GRM8: variants seen among roughly 807,000 people sequenced by gnomAD.
The protein encoded by GRM8 is glutamate metabotropic receptor 8.
In GRM8, 47 loss-of-function variants were observed where a neutral mutation model predicts 87.2. The observed-to-expected ratio is 0.54, with a 90% CI of 0.43 to 0.69. The LOEUF (loss-of-function observed/expected upper bound fraction) is 0.69, where lower values mean the gene tolerates loss of function less well. Ranked by LOEUF, GRM8 falls within the 30% of genes least tolerant of loss-of-function variation. The probability of loss-of-function intolerance (pLI) is 0.00; values close to 1 mark genes in which losing one functional copy is unlikely to be tolerated. For synonymous variants in GRM8, 396 were observed against 404.5 expected, an observed-to-expected ratio of 0.98 and a Z score of 0.25; for missense variants, 1,019 against 1,139.2, an observed-to-expected ratio of 0.89 and a Z score of 1.52.
At chr7:127,227,248 T>G (rs1321671474) in intron 2 of GRM8, among the ~76,000 whole-genome samples, 1 of 152,132 alleles carries the variant, frequency 6.6e-6, no homozygotes, top group African/African-American at 2.4e-5. Context: ...CCCAAAAAAG[T>G]GGCTGAAAGA....
rs903585714 is a variant in GRM8, at chr7:126,667,778, G to A, written c.1358-58280C>T. ...ATGCAAGGCACTGTGGGGAGACTTC[G>A]TGGCACAACAGCTGAGCATGTTTGT... On this transcript the variant is annotated intron_variant, in intron 7 of 10. Coordinates refer to ENST00000339582, the MANE Select transcript of GRM8 (RefSeq NM_000845.3). Among the ~76,000 whole-genome samples the A allele has an allele frequency of 7.2e-5, 11 of 152,188 alleles. No individual in the cohort carries two copies. The East Asian group carries it at 2.1e-3, about 29-fold the overall frequency.
intron 6 of GRM8, among the ~76,000 whole-genome samples, chr7:126,815,594 A>G (rs1037659978): frequency 6.6e-6 from 1 of 152,152 alleles, no homozygotes; most frequent in Non-Finnish European, 1.5e-5. Context: ...ACATGAATTA[A>G]TAAAACAGGC....
At chr7:126,490,914 G>A (rs1562876436) in intron 9 of GRM8, among the ~76,000 whole-genome samples, 1 of 151,996 alleles carries the variant, frequency 6.6e-6, no homozygotes, top group Non-Finnish European at 1.5e-5. Context: ...ATATGTCCAA[G>A]GCATAGTAAA....
rs1798920966 is a variant in GRM8, at chr7:127,252,347, G to A, written c.-312+450C>T. On this transcript the variant is annotated intron_variant, in intron 1 of 10. Transcript: ENST00000339582. This position sits in a 1 kb window ranked among gnomAD's most constrained non-coding sequence, Gnocchi z 4.9. ...CCAAGCCTTGGGAGTTCCGGGTAAA[G>A]TCTCCCTCTTTTCTGAACCTCTTTA... The A allele has an allele frequency of 6.6e-6, 1 of 152,144 alleles. No individual in the cohort carries two copies. Among genetic ancestry groups the A allele is most frequent in the South Asian group, 2.1e-4 (1 of 4,830 alleles). The allele number at this position is 152,144 out of a possible 1,614,324, so 9.4% of individuals were successfully genotyped here.
chr7:126,717,085 T>G (rs747633423), intron 7 of GRM8, among the ~76,000 whole-genome samples: 1 of 152,214 alleles, frequency 6.6e-6, no homozygotes, highest in Non-Finnish European at 1.5e-5. Context: ...TGAAAATGAC[T>G]TGGGACCATC....
chr7:127,025,293 C>A (rs1178459045), intron 3 of GRM8, among the ~76,000 whole-genome samples: 1 of 152,032 alleles, frequency 6.6e-6, no homozygotes, highest in South Asian at 2.1e-4. Flanking sequence ...TTCATAATCT[C>A]CTTAAACTTC....
intron 7 of GRM8, among the ~76,000 whole-genome samples, chr7:126,750,013 A>G (rs1337928245): frequency 1.3e-5 from 2 of 152,182 alleles, no homozygotes; most frequent in African/African-American, 4.8e-5. Context: ...AAACAAAAGC[A>G]TATATCCTCA....
At chr7:126,608,697 A>C (rs1798606588) in intron 8 of GRM8, among the ~76,000 whole-genome samples, 1 of 151,912 alleles carries the variant, frequency 6.6e-6, no homozygotes, top group Admixed American at 6.5e-5. Flanking sequence ...AGTATGATTC[A>C]CTTCTATCAA....
chr7:127,050,572 C>T (rs923161878), intron 3 of GRM8, among the ~76,000 whole-genome samples: 7 of 151,936 alleles, frequency 4.6e-5, no homozygotes, highest in African/African-American at 1.2e-4. Context: ...GAAGGGGAGA[C>T]GGAAGGGGAA....
intron 6 of GRM8, among the ~76,000 whole-genome samples, chr7:126,871,636 T>C (rs1475209616): frequency 6.6e-6 from 1 of 152,232 alleles, no homozygotes; most frequent in Non-Finnish European, 1.5e-5. Context: ...TATTTTACTT[T>C]GTTCTCTATG....
At chr7:127,184,177 C>G (rs1475503888) in intron 2 of GRM8, among the ~76,000 whole-genome samples, 4 of 151,682 alleles carry the variant, frequency 2.6e-5, no homozygotes. Context: ...ACCCTAACAC[C>G]AGGAGCAAAT....
At chr7:126,528,777 A>C (rs1814334219) in intron 9 of GRM8, among the ~76,000 whole-genome samples, 1 of 152,024 alleles carries the variant, frequency 6.6e-6, no homozygotes, top group African/African-American at 2.4e-5. Flanking sequence ...TTGTATTGGA[A>C]TTTGTATTGT....
chr7:126,546,436 G>C (rs1015415777), intron 8 of GRM8, among the ~76,000 whole-genome samples: 1 of 152,112 alleles, frequency 6.6e-6, no homozygotes, highest in Admixed American at 6.6e-5. Context: ...ATCCCATCCA[G>C]AAAAGGGAGC....
chr7:127,174,561 T>C (rs534314972), intron 2 of GRM8, among the ~76,000 whole-genome samples: 1 of 152,312 alleles, frequency 6.6e-6, no homozygotes, highest in East Asian at 1.9e-4. Context: ...ATAAATTGTA[T>C]TAATATTTCT....
intron 7 of GRM8, among the ~76,000 whole-genome samples, chr7:126,615,165 T>C (rs1799330417): frequency 1.3e-5 from 2 of 152,114 alleles, no homozygotes; most frequent in South Asian, 2.1e-4. Context: ...ATTAGACTAA[T>C]AGCAGATCTC....
intron 6 of GRM8, among the ~76,000 whole-genome samples, chr7:126,788,420 A>AAAAAAAAAAAAACAAAAAAAAAAAAAAC: frequency 6.2e-5 from 5 of 81,130 alleles, no homozygotes; most frequent in Admixed American, 3.3e-4. Context: ...AAAAAAAAAA[A>AAAAAAAAAAAAACAAAAAAAAAAAAAAC]AAACCCTTTC....
In GRM8 at chr7:127,106,638, C is replaced by A. The variant is rs144653566; in HGVS notation, c.585G>T (p.Val195=). The change falls in exon 3 of 11, where the codon GTG becomes GTT. Residue 195 remains valine (V), a synonymous_variant. Transcript: ENST00000339582. ...GGGCTTGGTAGGAGTCAGGCGGAAC[C>A]ACTCGAGAGAAAAAGTCATACCTGG... is the stretch of plus-strand genomic sequence containing the variant. ...DNTRYDFFSR[V]VPPDSYQAQA... 5.9e-5 allele frequency: 96 copies of A among 1,614,010 alleles called. No homozygotes were observed. In the African/African-American group the frequency reaches 1.1e-3, roughly 19 times the overall value.
chr7:126,851,857 CTATAT>C, intron 6 of GRM8, among the ~76,000 whole-genome samples: 1 of 152,096 alleles, frequency 6.6e-6, no homozygotes, highest in Non-Finnish European at 1.5e-5. Context: ...AGCTAATATA[CTATAT>C]ATTTACCATT....
rs755941931 is a variant in GRM8, at chr7:126,533,907, A to G, written c.1495-20T>C. ...TTCCACCTGTGGGTATAAAAAATTA[A>G]TGAGCCTTCCATTTTTCCCCCATTT... On this transcript the variant is annotated intron_variant, in intron 8 of 10. Transcript: ENST00000339582. The G allele has an allele frequency of 2.6e-6, 4 of 1,557,746 alleles. No homozygotes were observed. In the South Asian group the frequency reaches 4.6e-5, roughly 18 times the overall value.
Sources: gnomAD v4.1 joint callset for allele counts (sites outside exome capture counted in the v4.1 genomes callset) on GRCh38, gnomAD v4.1.1 for gene constraint, Gnocchi (gnomAD v3.1) non-coding constraint, MANE v1.5 for transcripts, NCBI Gene and HGNC (gene_info 2026-07-23, HGNC 2026-07-21) for gene names.